DIPK1A: variants seen among roughly 807,000 people sequenced by gnomAD.
The protein encoded by DIPK1A is divergent protein kinase domain 1A.
DIPK1A carries 27 observed loss-of-function variants against 40.8 expected under a neutral mutation model. The observed-to-expected ratio is 0.66, with a 90% CI of 0.49 to 0.91. The LOEUF is 0.91. DIPK1A is among the 40% of genes least tolerant of loss of function. The pLI, the probability that DIPK1A is intolerant of heterozygous loss-of-function variation, is 0.00. For missense variants in DIPK1A, 412 were observed against 505.7 expected, an observed-to-expected ratio of 0.81 and a Z score of 1.78; for synonymous variants, 166 against 171.3, an observed-to-expected ratio of 0.97 and a Z score of 0.24.
intron 1 of DIPK1A, among the ~76,000 whole-genome samples, chr1:92,877,599 T>C (rs1648186199): frequency 6.6e-6 from 1 of 152,260 alleles, no homozygotes; most frequent in Admixed American, 6.5e-5. Context: ...TAACAGATGG[T>C]GAATCCCTGT....
downstream of DIPK1A, chr1:92,841,953 A>G (rs976495198): frequency 1.2e-5 from 13 of 1,089,076 alleles, no homozygotes; most frequent in African/African-American, 2.1e-4. Context: ...ATTCTTATGA[A>G]CCTTATAGGA....
At chr1:92,845,365 T>A (rs1687560014) in intron 4 of DIPK1A, 1 of 144,988 alleles carries the variant, frequency 6.9e-6, no homozygotes. Flanking sequence ...TGACATGTAA[T>A]AACTACAAAT....
chr1:92,950,207 C>T (rs77293657), intron 1 of DIPK1A, among the ~76,000 whole-genome samples: 4,627 of 152,106 alleles, frequency 0.03, 206 homozygotes, highest in African/African-American at 0.1. Flanking sequence ...GTATGGAGAG[C>T]AAATGGGGAA....
chr1:92,842,067 G>A, downstream of DIPK1A: 1 of 790,084 alleles, frequency 1.3e-6, no homozygotes, highest in Non-Finnish European at 1.8e-6. Flanking sequence ...TATTTCTTGG[G>A]CTTCTGTTTT....
At chr1:92,926,480 TC>T (rs1057451463) in intron 1 of DIPK1A, among the ~76,000 whole-genome samples, 2 of 152,214 alleles carry the variant, frequency 1.3e-5, no homozygotes, top group Admixed American at 6.5e-5. Flanking sequence ...GACTGTTTAT[TC>T]TGTATTTTTT....
At chr1:92,948,730 AAT>A (rs1651497300) in intron 1 of DIPK1A, among the ~76,000 whole-genome samples, 1 of 114,784 alleles carries the variant, frequency 8.7e-6, no homozygotes, top group Non-Finnish European at 1.9e-5. Flanking sequence ...TTTTATATTT[AAT>A]ATATATGTAT....
intron 1 of DIPK1A, chr1:92,933,456 T>C (rs1232254279): frequency 6.6e-6 from 1 of 152,150 alleles, no homozygotes; most frequent in African/African-American, 2.4e-5. Context: ...CTCAACACTT[T>C]GGGAGGCCAA....
At chr1:92,895,904 A>G (rs1205291616) in intron 1 of DIPK1A, among the ~76,000 whole-genome samples, 2 of 152,242 alleles carry the variant, frequency 1.3e-5, no homozygotes, top group African/African-American at 4.8e-5. Flanking sequence ...CCCATTCACA[A>G]TTGCTTCAAA....
At chr1:92,948,731 ATATATATG>A (rs935548775) in intron 1 of DIPK1A, among the ~76,000 whole-genome samples, 5 of 134,486 alleles carry the variant, frequency 3.7e-5, no homozygotes, top group African/African-American at 1.3e-4. Flanking sequence ...TTTATATTTA[ATATATATG>A]TATATATACA....
downstream of DIPK1A, among the ~76,000 whole-genome samples, chr1:92,839,344 G>C (rs748442365): frequency 6.6e-6 from 1 of 152,140 alleles, no homozygotes; most frequent in Non-Finnish European, 1.5e-5. Context: ...GGGCAACAGA[G>C]CGAGACTTCA....
chr1:92,916,855 A>G (rs1650074141), intron 1 of DIPK1A, among the ~76,000 whole-genome samples: 1 of 152,212 alleles, frequency 6.6e-6, no homozygotes, highest in Non-Finnish European at 1.5e-5. Context: ...AACTCTCAGA[A>G]TAACGATAAT....
rs528850937 is a variant in DIPK1A at position 92,903,535 on chromosome 1, C to T, written c.55-27105G>A. ...GGTAAAAGTCCAGTTATACTTAGAC[C>T]TGTGAGGCACTGATAAGAGCTGGTG... On this transcript the variant is annotated intron_variant, in intron 1 of 4. Coordinates refer to ENST00000370310, the MANE Select transcript of DIPK1A (RefSeq NM_001006605.5). Among the ~76,000 whole-genome samples, 4 of 152,262 alleles carry T rather than the reference C, an allele frequency of 2.6e-5. No homozygotes were observed. The South Asian group carries it at 8.3e-4, about 32-fold the overall frequency.
chr1:92,839,351 T>C (rs991485374), downstream of DIPK1A, among the ~76,000 whole-genome samples: 1 of 152,130 alleles, frequency 6.6e-6, no homozygotes, highest in East Asian at 1.9e-4. Context: ...AGAGCGAGAC[T>C]TCATGTCAAA....
chr1:92,841,427 A>T (rs2100699212), downstream of DIPK1A, among the ~76,000 whole-genome samples: 1 of 152,288 alleles, frequency 6.6e-6, no homozygotes, highest in East Asian at 1.9e-4. Flanking sequence ...ATCTGTTGCT[A>T]TTAATATATA....
chr1:92,947,812 C>T (rs1280144430), intron 1 of DIPK1A, among the ~76,000 whole-genome samples: 2 of 152,166 alleles, frequency 1.3e-5, no homozygotes, highest in African/African-American at 2.4e-5. Flanking sequence ...AGATAAATAC[C>T]ACATGTTTTC....
At chr1:92,947,374 C>T (rs917077873) in intron 1 of DIPK1A, among the ~76,000 whole-genome samples, 1 of 152,000 alleles carries the variant, frequency 6.6e-6, no homozygotes, top group Non-Finnish European at 1.5e-5. Flanking sequence ...CAGGGAAATG[C>T]AAATCAAAAC....
chr1:92,881,187 A>AG, intron 1 of DIPK1A, among the ~76,000 whole-genome samples: 1 of 150,792 alleles, frequency 6.6e-6, no homozygotes, highest in Admixed American at 6.6e-5. Context: ...AAAAAAAAAA[A>AG]AAAAAAAAAG....
chr1:92,887,744 C>T (rs1648676806), intron 1 of DIPK1A, among the ~76,000 whole-genome samples: 1 of 152,120 alleles, frequency 6.6e-6, no homozygotes, highest in Non-Finnish European at 1.5e-5. Flanking sequence ...TATCCCTTTA[C>T]AAGAATTCTA....
chr1:92,950,400 T>TAAAGGCAATGGGAAGCCTCCTAAAG (rs1571151674), intron 1 of DIPK1A, among the ~76,000 whole-genome samples: 2 of 152,268 alleles, frequency 1.3e-5, no homozygotes, highest in East Asian at 3.9e-4. Flanking sequence ...CTCAGAACTC[T>TAAAGGCAATGGGAAGCCTCCTAAAG]GCATAGACTC....
Sources: allele counts gnomAD v4.1 joint callset (sites outside exome capture counted in the v4.1 genomes callset), GRCh38; gene constraint gnomAD v4.1.1; transcripts MANE v1.5; gene names NCBI Gene and HGNC (gene_info 2026-07-23, HGNC 2026-07-21).